MAP4K4: variants seen among roughly 807,000 people sequenced by gnomAD.
The protein encoded by MAP4K4 is mitogen-activated protein kinase kinase kinase kinase 4, also known as HPK/GCK-like kinase HGK.
Under a neutral mutation model 189.6 loss-of-function variants are expected in MAP4K4, and 38 were observed. That is an observed-to-expected ratio of 0.20 (90% CI 0.15 to 0.26). MAP4K4 has a LOEUF of 0.26. Among genes scored for constraint, MAP4K4 ranks in the 10% least tolerant of loss-of-function variants. MAP4K4 has a pLI of 1.00. For synonymous variants in MAP4K4, 610 were observed against 624.3 expected (o/e 0.98, Z 0.34); for missense variants, 1,054 against 1,726.9 (o/e 0.61, Z 6.91).
chr2:101,777,605 C>T (rs982635948), intron 2 of MAP4K4, among the ~76,000 whole-genome samples: 10 of 152,200 alleles, frequency 6.6e-5, no homozygotes, highest in Non-Finnish European at 1.3e-4. Flanking sequence ...TGCAACCTCC[C>T]CATCTCTCGC....
In MAP4K4 at chr2:101,712,359, G is replaced by A. The variant is rs530623909; in HGVS notation, c.123+13821G>A. The stretch of plus-strand genomic sequence containing the variant: ...ACAGGCGCAGGCCACCATGCCCGGC[G>A]AATTTTTTGTATTTTTAGTAGAGAC... On this transcript the variant is annotated intron_variant, in intron 2 of 32. Coordinates refer to ENST00000324219, the Ensembl canonical transcript of MAP4K4. Among the ~76,000 whole-genome samples, 33 of 151,252 alleles carry A rather than the reference G, an allele frequency of 2.2e-4. No homozygotes were observed. The East Asian group carries it at 5.7e-3, about 26-fold the overall frequency.
intron 28 of MAP4K4, among the ~76,000 whole-genome samples, chr2:101,884,173 G>A (rs912116758): frequency 2.0e-5 from 3 of 151,916 alleles, no homozygotes; most frequent in South Asian, 2.1e-4. Flanking sequence ...TCATTCATTC[G>A]TTGTCATTAT....
intron 2 of MAP4K4, among the ~76,000 whole-genome samples, chr2:101,784,659 G>A (rs1252775018): frequency 1.3e-5 from 2 of 152,116 alleles, no homozygotes; most frequent in African/African-American, 4.8e-5. Context: ...CCTGTGGGAT[G>A]TTCTTTCTTT....
chr2:101,785,807 C>G (rs1193029432), intron 2 of MAP4K4, among the ~76,000 whole-genome samples: 1 of 6,034 alleles, frequency 1.7e-4, no homozygotes, highest in African/African-American at 1.5e-3. Flanking sequence ...CTTTCTTTCT[C>G]TTCTTTCTTT....
intron 16 of MAP4K4, among the ~76,000 whole-genome samples, 152 bp from the exon 17 acceptor site, chr2:101,863,669 G>GTGTA (rs776211401): frequency 2.6e-5 from 4 of 152,230 alleles, no homozygotes; most frequent in Non-Finnish European, 5.9e-5. Context: ...TCACTTTGAA[G>GTGTA]TGTAACTGTT....
exon 29 of MAP4K4, chr2:101,885,205 A>G (rs1160893012): frequency 6.2e-7 from 1 of 1,601,482 alleles, no homozygotes; most frequent in Non-Finnish European, 8.5e-7. Flanking sequence ...GAAAGAATCA[A>G]ATTTCTGGTG....
intron 3 of MAP4K4, among the ~76,000 whole-genome samples, chr2:101,794,936 T>A (rs965173319): frequency 6.6e-6 from 1 of 152,194 alleles, no homozygotes; most frequent in Admixed American, 6.5e-5. Flanking sequence ...TTCCTTTCTC[T>A]CCTATATTTC....
At chr2:101,860,917 A>G (rs1576943711) in exon 16 of MAP4K4, 1 of 1,607,488 alleles carries the variant, frequency 6.2e-7, no homozygotes, top group African/African-American at 1.3e-5. Flanking sequence ...TGCCTTCCCG[A>G]TCAGAGTCTT....
Position 101,887,085 on chromosome 2 carries a change from C to A in MAP4K4, c.3622-3C>A. On this transcript the variant is annotated splice_polypyrimidine_tract_variant and splice_region_variant and intron_variant, in intron 29 of 32. Coordinates refer to ENST00000324219, the Ensembl canonical transcript of MAP4K4. ...TCTCACTTCTCTTATGGCTTCTTTG[C>A]AGTCATTTGGAGAATTGGTACATAA... 1 of 1,535,424 alleles carries A rather than the reference C, an allele frequency of 6.5e-7. No homozygotes were observed. The highest frequency in any genetic ancestry group is 8.8e-7 in the Non-Finnish European group (1 of 1,141,870).
intron 27 of MAP4K4, among the ~76,000 whole-genome samples, chr2:101,881,111 ATC>A (rs1473463303): frequency 1.3e-5 from 2 of 152,184 alleles, no homozygotes; most frequent in African/African-American, 4.8e-5. Flanking sequence ...TAACATGGAA[ATC>A]TCTCTCCATT....
At chr2:101,747,609 A>G (rs1420816644) in intron 2 of MAP4K4, among the ~76,000 whole-genome samples, 1 of 152,172 alleles carries the variant, frequency 6.6e-6, no homozygotes, top group Non-Finnish European at 1.5e-5. Flanking sequence ...ACAAATTAAA[A>G]CAGCTCAGTG....
intron 12 of MAP4K4, among the ~76,000 whole-genome samples, chr2:101,848,584 G>A (rs2149667975): frequency 6.6e-6 from 1 of 152,334 alleles, no homozygotes; most frequent in Non-Finnish European, 1.5e-5. Flanking sequence ...ACACAGTGCA[G>A]ATGCCACAAA....
intron 2 of MAP4K4, among the ~76,000 whole-genome samples, chr2:101,727,287 A>T (rs1338897757): frequency 6.6e-6 from 1 of 152,234 alleles, no homozygotes; most frequent in East Asian, 1.9e-4. Context: ...CTCATGTAGT[A>T]CCATCTTCAA....
At chr2:101,802,523 A>G (rs555576144) in intron 3 of MAP4K4, among the ~76,000 whole-genome samples, 1 of 152,146 alleles carries the variant, frequency 6.6e-6, no homozygotes, top group South Asian at 2.1e-4. Context: ...TGCTCGCCTG[A>G]TCCCGCCCAG....
At chr2:101,710,368 A>T (rs1444237258) in intron 2 of MAP4K4, among the ~76,000 whole-genome samples, 7 of 152,188 alleles carry the variant, frequency 4.6e-5, no homozygotes, top group Non-Finnish European at 7.3e-5. Flanking sequence ...GAAAAATCTG[A>T]CAGGTGTTCA....
intron 2 of MAP4K4, among the ~76,000 whole-genome samples, chr2:101,727,582 A>C (rs574865959): frequency 6.6e-6 from 1 of 152,364 alleles, no homozygotes; most frequent in East Asian, 1.9e-4. Context: ...TTTGGGGGGA[A>C]GTATATACAG....
At chr2:101,732,586 T>G (rs1217813976) in intron 2 of MAP4K4, among the ~76,000 whole-genome samples, 3 of 152,082 alleles carry the variant, frequency 2.0e-5, no homozygotes, top group Non-Finnish European at 4.4e-5. Context: ...ATCTCCTTGC[T>G]CCTTTTTTAT....
intron 23 of MAP4K4, 180 bp downstream of exon 23, chr2:101,870,595 G>A: frequency 1.4e-6 from 1 of 718,090 alleles, no homozygotes; most frequent in Non-Finnish European, 2.2e-6. Context: ...ATGCCCAGAA[G>A]GTAGCGAGTA....
At chr2:101,867,259 G>C (rs761601346) in exon 20 of MAP4K4, 7 of 1,607,884 alleles carry the variant, frequency 4.4e-6, no homozygotes, top group African/African-American at 1.3e-5. Context: ...GGAAAATGCA[G>C]TGAAAAAACC....
Sources: allele counts gnomAD v4.1 joint callset (sites outside exome capture counted in the v4.1 genomes callset), GRCh38; gene constraint gnomAD v4.1.1; transcripts MANE v1.5; gene names NCBI Gene and HGNC (gene_info 2026-07-23, HGNC 2026-07-21).